PTPRD: variants seen among roughly 807,000 people sequenced by gnomAD.
PTPRD encodes protein tyrosine phosphatase receptor type D.
Under a neutral mutation model 214.5 loss-of-function variants are expected in PTPRD, and 34 were observed. The observed-to-expected ratio is 0.16, with a 90% CI of 0.12 to 0.21. The LOEUF (loss-of-function observed/expected upper bound fraction) is 0.21, where lower values mean the gene tolerates loss of function less well. PTPRD is among the 10% of genes least tolerant of loss of function. PTPRD has a pLI of 1.00. For missense variants in PTPRD, 2,545 were observed against 2,398.7 expected (o/e 1.06, Z -1.27); for synonymous variants, 1,128 against 845.7 (o/e 1.33, Z -5.79).
At chr9:10,482,074 A>T (rs554781381) in intron 2 of PTPRD, among the ~76,000 whole-genome samples, 173 of 148,298 alleles carry the variant, frequency 1.2e-3, no homozygotes, top group South Asian at 2.3e-3. Context: ...AAAATAAGAT[A>T]AAAAAAACAA....
chr9:9,391,569 T>C (rs1292778905), intron 9 of PTPRD, among the ~76,000 whole-genome samples: 1 of 152,184 alleles, frequency 6.6e-6, no homozygotes, highest in Non-Finnish European at 1.5e-5. Context: ...TTATCTGTTT[T>C]GCATACACAA....
chr9:9,227,410 C>T (rs2099960200), intron 9 of PTPRD, among the ~76,000 whole-genome samples: 1 of 152,234 alleles, frequency 6.6e-6, no homozygotes, highest in Non-Finnish European at 1.5e-5. Context: ...GGTCTGAAAT[C>T]CCATCAGCTA....
chr9:9,846,866 C>A (rs1042211164), intron 5 of PTPRD, among the ~76,000 whole-genome samples: 7 of 151,902 alleles, frequency 4.6e-5, no homozygotes, highest in Non-Finnish European at 1.0e-4. Context: ...TGTTTAAGCC[C>A]ACAGGAGAAT....
intron 10 of PTPRD, among the ~76,000 whole-genome samples, chr9:9,056,529 T>G (rs1279721504): frequency 6.6e-6 from 1 of 152,240 alleles, no homozygotes; most frequent in Admixed American, 6.5e-5. Flanking sequence ...TTCTCCAGTT[T>G]CTTCTTAATG....
At chr9:8,661,735 T>G (rs531320077) in intron 12 of PTPRD, among the ~76,000 whole-genome samples, 1 of 151,546 alleles carries the variant, frequency 6.6e-6, no homozygotes, top group South Asian at 2.1e-4. Flanking sequence ...GTTATTTCTG[T>G]GTTTGTGTTT....
At chr9:8,552,550 C>T (rs1407632364) in intron 14 of PTPRD, among the ~76,000 whole-genome samples, 1 of 152,112 alleles carries the variant, frequency 6.6e-6, no homozygotes, top group Non-Finnish European at 1.5e-5. Flanking sequence ...CTTCTCGCAG[C>T]TTCAGGAGAA....
intron 2 of PTPRD, among the ~76,000 whole-genome samples, chr9:10,392,610 C>T (rs147741872): frequency 6.6e-6 from 1 of 151,752 alleles, no homozygotes; most frequent in African/African-American, 2.4e-5. Context: ...GATGGCTACA[C>T]AATATAATAT....
intron 5 of PTPRD, among the ~76,000 whole-genome samples, chr9:9,925,633 A>G (rs2084015266): frequency 6.6e-6 from 1 of 152,066 alleles, no homozygotes; most frequent in Non-Finnish European, 1.5e-5. Flanking sequence ...TTTTTAAAAA[A>G]AACTCTTCTA....
rs571207602 is a variant in PTPRD, at chr9:9,159,896, T to A, written c.-143+23408A>T. Among the ~76,000 whole-genome samples, 29 of 152,198 alleles carry A rather than the reference T, an allele frequency of 1.9e-4. 1 individual carries two copies. The South Asian group carries it at 5.8e-3, about 30-fold the overall frequency. ...ACCAGAGAGAAAGCCCAGAAATAAA[T>A]CTAGTCATTTGTGGGCAATTGATTT... On this transcript the variant is annotated intron_variant, in intron 10 of 45. Transcript: ENST00000381196.
chr9:8,972,811 G>T (rs1363556774), intron 11 of PTPRD, among the ~76,000 whole-genome samples: 1 of 151,906 alleles, frequency 6.6e-6, no homozygotes, highest in Non-Finnish European at 1.5e-5. Flanking sequence ...ACCAAGGTTT[G>T]CAAGCTGTCC....
intron 14 of PTPRD, among the ~76,000 whole-genome samples, chr9:8,529,837 A>C (rs2075219100): frequency 6.6e-6 from 1 of 152,134 alleles, no homozygotes; most frequent in Admixed American, 6.6e-5. Context: ...CATATGCACA[A>C]CGTGCAGGTT....
chr9:9,787,391 A>T (rs1291587124), intron 5 of PTPRD, among the ~76,000 whole-genome samples: 1 of 150,388 alleles, frequency 6.6e-6, no homozygotes, highest in Admixed American at 6.6e-5. Context: ...ATATGTATCA[A>T]GATTCAGGAA....
chr9:9,046,498 C>T (rs2099672485), intron 10 of PTPRD, among the ~76,000 whole-genome samples: 1 of 152,090 alleles, frequency 6.6e-6, no homozygotes, highest in Non-Finnish European at 1.5e-5. Context: ...TATCTACACT[C>T]CAAATAGTTT....
At chr9:8,512,999 T>A (rs1485359414) in intron 21 of PTPRD, among the ~76,000 whole-genome samples, 1 of 152,048 alleles carries the variant, frequency 6.6e-6, no homozygotes, top group African/African-American at 2.4e-5. Flanking sequence ...TTTTCCTTCC[T>A]GAATGTGTTT....
At chr9:9,496,352 A>G (rs1208516960) in intron 8 of PTPRD, among the ~76,000 whole-genome samples, 2 of 152,174 alleles carry the variant, frequency 1.3e-5, no homozygotes, top group Non-Finnish European at 2.9e-5. Flanking sequence ...TCAGATATCC[A>G]GAATCTATAG....
In PTPRD at chr9:8,848,778, T is replaced by C. The variant is rs900650839; in HGVS notation, c.-103-114832A>G. 2.7e-4 allele frequency among the ~76,000 whole-genome samples: 34 copies of C among 125,692 alleles called. 2 individuals are homozygous for C. Among genetic ancestry groups the C allele is most frequent in the Admixed American group, 1.2e-3 (16 of 13,836 alleles). The allele number at this position is 125,692 out of a possible 152,430, so 82.5% of individuals were successfully genotyped here. A position where few individuals can be genotyped will look rare whatever the true frequency, so the allele number is the denominator to read the frequency against. On this transcript the variant is annotated intron_variant, in intron 11 of 45. Coordinates refer to ENST00000381196, the MANE Select transcript of PTPRD (RefSeq NM_002839.4). ...TGCTTGACTTAAAATCTTGACCCTA[T>C]GTTCCATCTTTATTACTTTTATCTA...
intron 10 of PTPRD, among the ~76,000 whole-genome samples, chr9:9,127,740 G>A (rs1015912788): frequency 2.6e-5 from 4 of 151,944 alleles, no homozygotes; most frequent in Non-Finnish European, 2.9e-5. Flanking sequence ...GTCTTTCATC[G>A]AATGTCTGGA....
At chr9:8,466,509 C>A (rs971173528) in intron 31 of PTPRD, among the ~76,000 whole-genome samples, 5 of 151,854 alleles carry the variant, frequency 3.3e-5, no homozygotes, top group African/African-American at 1.2e-4. Flanking sequence ...TTGACTCCTT[C>A]ATTACGAGAA....
At chr9:10,596,035 A>C (rs1013864763) in intron 2 of PTPRD, among the ~76,000 whole-genome samples, 3 of 151,834 alleles carry the variant, frequency 2.0e-5, no homozygotes, top group Admixed American at 2.0e-4. Flanking sequence ...CTAATCCACC[A>C]GTTATATACA....
Sources: allele counts gnomAD v4.1 joint callset (sites outside exome capture counted in the v4.1 genomes callset), GRCh38; gene constraint gnomAD v4.1.1; transcripts MANE v1.5; gene names NCBI Gene and HGNC (gene_info 2026-07-23, HGNC 2026-07-21).